Variants in HOXD3 observed in about 807,000 individuals in gnomAD.
HOXD3 encodes the protein homeobox D3, also known as homeobox protein Hox-D3.
HOXD3 carries 13 observed loss-of-function variants against 32.8 expected under a neutral mutation model. That is an observed-to-expected ratio of 0.40 (90% CI 0.26 to 0.63). The LOEUF is 0.63. Among genes scored for constraint, HOXD3 ranks in the 20% least tolerant of loss-of-function variants. HOXD3 has a pLI of 0.44. For missense variants in HOXD3, 504 were observed against 577.1 expected (o/e 0.87, Z 1.30); for synonymous variants, 241 against 246.8 (o/e 0.98, Z 0.22).
chr2:176,152,604 G>C (rs1434547837), upstream of HOXD3: 1 of 1,613,100 alleles, frequency 6.2e-7, no homozygotes, highest in African/African-American at 1.3e-5. This position sits in a 1 kb window ranked among gnomAD's most constrained non-coding sequence, Gnocchi z 5.2. Flanking sequence ...GTTTTGTCTC[G>C]CAGTGAACCC....
intron 1 of HOXD3, among the ~76,000 whole-genome samples, chr2:176,160,422 C>T (rs1476110393): frequency 1.3e-5 from 2 of 152,192 alleles, no homozygotes; most frequent in Admixed American, 6.5e-5. Context: ...ACTGAGTCGG[C>T]CCGGAGCTGC....
rs1443044906 is a variant in HOXD3 at position 176,172,022 on chromosome 2, C to A, written c.1047C>A (p.Ala349=). The change falls in exon 4 of 4, where the codon GCC becomes GCA. Residue 349 remains alanine, a synonymous_variant. Transcript: ENST00000683222. The stretch of plus-strand genomic sequence containing the variant: ...GCAACGGCGGCGGCTTCGCCAGCGC[C>A]AACTTGCAGGGCAGCCCGGTGTACG... ...MASNGGGFAS[A]NLQGSPVYVG... The A allele has an allele frequency of 3.7e-6, 6 of 1,607,558 alleles. No individual in the cohort carries two copies. The highest frequency in any genetic ancestry group is 4.2e-6 in the Non-Finnish European group (5 of 1,178,838).
rs1690672711 is a variant in HOXD3 at position 176,157,436 on chromosome 2, C to G, written c.-197C>G. On this transcript the variant is annotated 5_prime_UTR_variant, in exon 1 of 4. Transcript: ENST00000683222. ...CTCCACCCCCGGCCCCCGGCGGGCG[C>G]GGGAGCGCGGCCGCAGGTAAATATT... 6.6e-6 allele frequency among the ~76,000 whole-genome samples: 1 copy of G among 152,116 alleles called. No homozygotes were observed. The highest frequency in any genetic ancestry group is 1.5e-5 in the Non-Finnish European group (1 of 68,014).
chr2:176,161,657 T>C (rs979655923), intron 1 of HOXD3, among the ~76,000 whole-genome samples: 2 of 152,192 alleles, frequency 1.3e-5, no homozygotes, highest in Non-Finnish European at 2.9e-5. Context: ...AATTTTTTCT[T>C]GGGAGATTAA....
intron 1 of HOXD3, among the ~76,000 whole-genome samples, chr2:176,160,463 C>T (rs1045347834): frequency 3.3e-5 from 5 of 152,208 alleles, no homozygotes; most frequent in African/African-American, 1.2e-4. Flanking sequence ...CGCCCCACAC[C>T]CATCCGCGTC....
At chr2:176,170,597 G>T (rs1245643366) in intron 3 of HOXD3, among the ~76,000 whole-genome samples, 3 of 152,170 alleles carry the variant, frequency 2.0e-5, no homozygotes, top group Non-Finnish European at 4.4e-5. Flanking sequence ...GGCAAGTTTG[G>T]GGCCTGGGGT....
At chr2:176,164,494 G>A (rs1338846219) in intron 2 of HOXD3, 1 of 152,174 alleles carries the variant, frequency 6.6e-6, no homozygotes, top group Non-Finnish European at 1.5e-5. Flanking sequence ...GAACTTGGGC[G>A]GAACGTAAAG....
At position 176,171,688 on chromosome 2, in the gene HOXD3, T is replaced by C. The variant is rs1313106157; in HGVS notation, c.713T>C (p.Ile238Thr). The C allele has an allele frequency of 8.1e-6, 13 of 1,613,936 alleles. No homozygotes were observed. In the Admixed American group the frequency reaches 2.2e-4, roughly 27 times the overall value. The change falls in exon 4 of 4, where the codon ATC (isoleucine) becomes ACC (threonine). Residue 238 changes from isoleucine to threonine, a missense_variant. By Grantham distance (89) the Ile-to-Thr change is moderately conservative. This residue lies in a region of HOXD3 where 97 missense variants were observed against 158.0 expected (regional missense o/e 0.61). Transcript: ENST00000683222. ...ANLLNLTERQ[I>T]KIWFQNRRMK... ...CTGCTGAATCTCACGGAACGCCAGA[T>C]CAAGATCTGGTTCCAGAACCGGCGC...
chr2:176,159,131 A>T (rs1690719048), intron 1 of HOXD3, among the ~76,000 whole-genome samples: 1 of 152,070 alleles, frequency 6.6e-6, no homozygotes, highest in Non-Finnish European at 1.5e-5. Context: ...TTTCCTGGAG[A>T]CAAATTCCCG....
At position 176,172,595 on chromosome 2, in the gene HOXD3, T is replaced by G; in HGVS notation, c.*321T>G. 6.1e-6 allele frequency: 2 copies of G among 329,832 alleles called. No homozygotes were observed. The highest frequency in any genetic ancestry group is 5.0e-5 in the East Asian group (1 of 19,876). The allele number at this position is 329,832 out of a possible 1,614,324, so 20.4% of individuals were successfully genotyped here. On this transcript the variant is annotated 3_prime_UTR_variant, in exon 4 of 4. Transcript: ENST00000683222. ...TCTGAGACCCATCAGCGGCGCGCCC[T>G]GCAGAGGGACCAGAGCTTGGAGAGT...
At chr2:176,167,977 A>C (rs563748453) in intron 2 of HOXD3, among the ~76,000 whole-genome samples, 1 of 152,178 alleles carries the variant, frequency 6.6e-6, no homozygotes, top group Non-Finnish European at 1.5e-5. Context: ...CACACAGAAG[A>C]AAGGCTAAAT....
At chr2:176,153,089 A>G (rs1222037701), upstream of HOXD3, 1 of 532,678 alleles carries the variant, frequency 1.9e-6, no homozygotes, top group Non-Finnish European at 3.4e-6. Context: ...CTAGGTTAGC[A>G]TCCTGCCCGA....
At chr2:176,157,143 C>A (rs966467255), upstream of HOXD3, among the ~76,000 whole-genome samples, 1 of 152,182 alleles carries the variant, frequency 6.6e-6, no homozygotes, top group African/African-American at 2.4e-5. Flanking sequence ...CCTCCCTGCC[C>A]CCCGCGCCGG....
rs1691095201 is a variant in HOXD3 at position 176,169,258 on chromosome 2, G to A, written c.144G>A (p.Gln48=). ...CTTACGGCTACAGCACCCCCCACCA[G>A]CCCTACCCACCCCCTGCTGCTGCCA... ...TDTYGYSTPH[Q]PYPPPAAASS... Residue 48 remains glutamine, a synonymous_variant, in exon 3 of 4, where the codon CAG becomes CAA. Transcript: ENST00000683222. The A allele has an allele frequency of 1.2e-6, 2 of 1,613,936 alleles. No individual in the cohort carries two copies. Among genetic ancestry groups the A allele is most frequent in the East Asian group, 2.2e-5 (1 of 44,856 alleles).
rs1691204327 is a variant in HOXD3 at position 176,171,952 on chromosome 2, A to T, written c.977A>T (p.Gln326Leu). ...CCACTCAGCAGCTGCCTGCCACAAC[A>T]GAAGCGCTACGCAGCGCCGGAGTTC... Reference protein sequence around the residue: ...TAPLSSCLPQQKRYAAPEFEP... With the variant: ...TAPLSSCLPQLKRYAAPEFEP... The change falls in exon 4 of 4, where the codon CAG becomes CTG. Residue 326 changes from glutamine to leucine, a missense_variant. Transcript: ENST00000683222. 6.2e-7 allele frequency: 1 copy of T among 1,610,882 alleles called. No individual in the cohort carries two copies. The highest frequency in any genetic ancestry group is 1.3e-5 in the African/African-American group (1 of 74,940).
intron 1 of HOXD3, among the ~76,000 whole-genome samples, chr2:176,163,330 T>A (rs1460326624): frequency 2.0e-5 from 3 of 151,102 alleles, no homozygotes; most frequent in Non-Finnish European, 4.4e-5. Context: ...TCTGTCTCTC[T>A]CCTTTCACCT....
intron 2 of HOXD3, among the ~76,000 whole-genome samples, chr2:176,168,337 C>A (rs186166653): frequency 1.3e-5 from 2 of 151,458 alleles, no homozygotes; most frequent in African/African-American, 2.4e-5. Context: ...GAGGCCCAGG[C>A]GGGTTGATCA....
intron 3 of HOXD3, among the ~76,000 whole-genome samples, chr2:176,170,129 C>A (rs773233762): frequency 1.3e-5 from 2 of 152,048 alleles, no homozygotes; most frequent in Non-Finnish European, 2.9e-5. Context: ...TTCAAAGAAC[C>A]TTTTGAGGTA....
At chr2:176,156,427 C>G (rs573117435), upstream of HOXD3, among the ~76,000 whole-genome samples, 2 of 152,306 alleles carry the variant, frequency 1.3e-5, no homozygotes, top group South Asian at 4.1e-4. Flanking sequence ...AGGCCCCAGA[C>G]CTTTTTGGTC....
Sources: allele counts gnomAD v4.1 joint callset (sites outside exome capture counted in the v4.1 genomes callset), GRCh38; gene constraint gnomAD v4.1.1; regional missense constraint gnomAD v4.1.1; non-coding constraint Gnocchi (gnomAD v3.1); transcripts MANE v1.5; gene names NCBI Gene and HGNC (gene_info 2026-07-23, HGNC 2026-07-21).